Variants in PCDH15 observed in about 807,000 individuals in gnomAD.
PCDH15 encodes protocadherin related 15, also known as protocadherin-15.
In PCDH15, 129 loss-of-function variants were observed where a neutral mutation model predicts 178.5. The observed-to-expected ratio is 0.72, with a 90% CI of 0.63 to 0.84. The LOEUF is 0.84. Among genes scored for constraint, PCDH15 ranks in the 40% least tolerant of loss-of-function variants. The pLI is 0.00. For synonymous variants in PCDH15, 800 were observed against 732.0 expected, an observed-to-expected ratio of 1.09 and a Z score of -1.50; for missense variants, 2,230 against 2,099.9, an observed-to-expected ratio of 1.06 and a Z score of -1.21.
chr10:53,892,807 A>G (rs1359838060), intron 26 of PCDH15, among the ~76,000 whole-genome samples: 2 of 152,210 alleles, frequency 1.3e-5, no homozygotes, highest in Non-Finnish European at 2.9e-5. Context: ...ATTGTACAAC[A>G]TGGTGACTAT....
chr10:54,737,892 C>A (rs146418386), intron 1 of PCDH15, among the ~76,000 whole-genome samples: 1 of 152,092 alleles, frequency 6.6e-6, no homozygotes, highest in East Asian at 1.9e-4. Context: ...AAATAAATAT[C>A]TATGCAATAT....
chr10:54,953,610 T>C (rs1838401517), intron 2 of PCDH15, among the ~76,000 whole-genome samples: 1 of 151,266 alleles, frequency 6.6e-6, no homozygotes, highest in African/African-American at 2.4e-5. Context: ...CATAATATGC[T>C]TTGATATATA....
intron 3 of PCDH15, among the ~76,000 whole-genome samples, chr10:54,475,944 AATGTAATCACTATGCATATTGG>A (rs2078244234): frequency 1.4e-5 from 2 of 147,872 alleles, no homozygotes; most frequent in Non-Finnish European, 3.0e-5. Context: ...GTGCCCTATA[AATGTAATCACTATGCATATTGG>A]ATGTAATCAC....
At chr10:55,068,052 TGTTA>T (rs1471545234) in intron 2 of PCDH15, among the ~76,000 whole-genome samples, 7 of 152,138 alleles carry the variant, frequency 4.6e-5, no homozygotes. Context: ...CTCTACAGTC[TGTTA>T]GTTTGGCTGT....
At chr10:54,700,977 C>T (rs1340873253) in intron 1 of PCDH15, among the ~76,000 whole-genome samples, 1 of 152,082 alleles carries the variant, frequency 6.6e-6, no homozygotes, top group Non-Finnish European at 1.5e-5. Context: ...CAGCAAGTCA[C>T]CTACAAAGGC....
At chr10:54,189,705 A>G (rs2048790086) in intron 11 of PCDH15, among the ~76,000 whole-genome samples, 1 of 152,006 alleles carries the variant, frequency 6.6e-6, no homozygotes, top group Non-Finnish European at 1.5e-5. Context: ...ATCTTTATTG[A>G]TTATTATTCT....
intron 18 of PCDH15, among the ~76,000 whole-genome samples, chr10:54,050,792 T>C (rs2093754376): frequency 6.6e-6 from 1 of 152,160 alleles, no homozygotes; most frequent in Admixed American, 6.5e-5. Context: ...ATCAACTGTA[T>C]TGATATGGTT....
At chr10:55,083,350 A>C (rs1422601773) in intron 2 of PCDH15, among the ~76,000 whole-genome samples, 1 of 151,870 alleles carries the variant, frequency 6.6e-6, no homozygotes, top group Non-Finnish European at 1.5e-5. Context: ...ATACTTGATA[A>C]AATTTGACAT....
At chr10:53,985,561 T>C (rs1448112680) in intron 21 of PCDH15, among the ~76,000 whole-genome samples, 2 of 152,112 alleles carry the variant, frequency 1.3e-5, no homozygotes, top group African/African-American at 4.8e-5. Flanking sequence ...CTGTAGCATT[T>C]AGCCACAATG....
chr10:54,439,135 A>G (rs2075631395), intron 3 of PCDH15, among the ~76,000 whole-genome samples: 1 of 114,208 alleles, frequency 8.8e-6, no homozygotes, highest in South Asian at 2.3e-4. Context: ...AAAATAGTTT[A>G]GAAGAGTTAA....
In PCDH15 at chr10:55,060,079, C is replaced by G. The variant is rs143530382; in HGVS notation, c.-80+106497G>C. 3.1e-3 allele frequency among the ~76,000 whole-genome samples: 466 copies of G among 151,998 alleles called. 7 individuals are homozygous for G. Among genetic ancestry groups the G allele is most frequent in the African/African-American group, 0.01 (430 of 41,480 alleles). On this transcript the variant is annotated intron_variant, in intron 2 of 5. Transcript: ENST00000458638. ...CTGCAGATTGTATCACCATAGAGTT[C>G]AATGTAATAATAGAATACACATAAA...
chr10:54,955,402 A>G (rs150530759), intron 2 of PCDH15, among the ~76,000 whole-genome samples: 4 of 151,404 alleles, frequency 2.6e-5, no homozygotes, highest in Admixed American at 1.3e-4. Flanking sequence ...TTTTGTAAGC[A>G]TTTCTCCAAA....
chr10:54,704,659 T>A (rs1591165612), intron 1 of PCDH15, among the ~76,000 whole-genome samples: 1 of 152,216 alleles, frequency 6.6e-6, no homozygotes. Flanking sequence ...ATGGTTATTA[T>A]TAAAAAGTCA....
At chr10:55,307,828 T>C (rs1843471731) in intron 1 of PCDH15, among the ~76,000 whole-genome samples, 1 of 152,030 alleles carries the variant, frequency 6.6e-6, no homozygotes, top group Non-Finnish European at 1.5e-5. Flanking sequence ...CTACTAATTA[T>C]TTTTGATTTT....
chr10:54,398,527 A>G (rs1951530843), intron 3 of PCDH15, among the ~76,000 whole-genome samples: 1 of 152,054 alleles, frequency 6.6e-6, no homozygotes, highest in South Asian at 2.1e-4. Flanking sequence ...AATCTATCAC[A>G]GCAGGAAAAT....
chr10:55,002,557 G>A (rs528705261), intron 2 of PCDH15, among the ~76,000 whole-genome samples: 1 of 14,416 alleles, frequency 6.9e-5, no homozygotes, highest in African/African-American at 1.9e-4. Context: ...TGACATGTTA[G>A]AGAGAATGAT....
intron 2 of PCDH15, among the ~76,000 whole-genome samples, chr10:55,021,570 A>G (rs1247112472): frequency 2.6e-5 from 4 of 152,146 alleles, no homozygotes; most frequent in Admixed American, 6.5e-5. Context: ...GTGAGTCTTG[A>G]CCTTTAGAAT....
chr10:54,147,568 A>G (rs1274250042), intron 14 of PCDH15, among the ~76,000 whole-genome samples: 1 of 151,936 alleles, frequency 6.6e-6, no homozygotes, highest in Non-Finnish European at 1.5e-5. Flanking sequence ...AAACACTTCA[A>G]ATGTAATATA....
chr10:55,486,394 A>G (rs902061050), intron 2 of PCDH15, among the ~76,000 whole-genome samples: 6 of 151,724 alleles, frequency 4.0e-5, no homozygotes. Context: ...TACATACAAC[A>G]TATGTATTCT....
Sources: gnomAD v4.1 joint callset for allele counts (sites outside exome capture counted in the v4.1 genomes callset) on GRCh38, gnomAD v4.1.1 for gene constraint, MANE v1.5 for transcripts, NCBI Gene and HGNC (gene_info 2026-07-23, HGNC 2026-07-21) for gene names.